JAM3: variants seen among roughly 807,000 people sequenced by gnomAD.
The protein encoded by JAM3 is junctional adhesion molecule 3, also known as junctional adhesion molecule C.
JAM3 carries 31 observed loss-of-function variants against 39.4 expected under a neutral mutation model. That is an observed-to-expected ratio of 0.79 (90% CI 0.59 to 1.06). The LOEUF (loss-of-function observed/expected upper bound fraction) is 1.06, where lower values mean the gene tolerates loss of function less well. Among genes scored for constraint, JAM3 ranks in the 50% least tolerant of loss-of-function variants. The pLI is 0.00. For missense variants in JAM3, 455 were observed against 391.4 expected, an observed-to-expected ratio of 1.16 and a Z score of -1.37; for synonymous variants, 182 against 148.7, an observed-to-expected ratio of 1.22 and a Z score of -1.63.
chr11:134,148,563 C>A lies in JAM3; in HGVS notation c.729C>A (p.Gly243=). The change falls in exon 7 of 9, where the codon GGC becomes GGA. Residue 243 remains glycine (G), a synonymous_variant. Coordinates refer to ENST00000299106, the MANE Select transcript of JAM3 (RefSeq NM_032801.5). ...TTTCTTCAGATGACCTGAACATTGG[C>A]GGAATTATTGGGGGGGTTCTGGTTG... ...QEMEVYDLNI[G]GIIGGVLVVL... 1.2e-6 allele frequency: 2 copies of A among 1,614,040 alleles called. No individual in the cohort carries two copies. The highest frequency in any genetic ancestry group is 1.7e-6 in the Non-Finnish European group (2 of 1,180,038).
intron 1 of JAM3, among the ~76,000 whole-genome samples, chr11:134,113,844 T>C (rs1217381563): frequency 6.6e-6 from 1 of 152,198 alleles, no homozygotes; most frequent in African/African-American, 2.4e-5. Context: ...CCACATCCTC[T>C]CCAGCACCTG....
intron 1 of JAM3, among the ~76,000 whole-genome samples, chr11:134,096,969 T>C (rs188330774): frequency 2.0e-4 from 31 of 152,308 alleles, no homozygotes; most frequent in Non-Finnish European, 4.3e-4. Flanking sequence ...TGTGGCACTT[T>C]GTAGAACTGT....
chr11:134,128,974 T>C (rs1157437506), intron 1 of JAM3, among the ~76,000 whole-genome samples: 1 of 152,200 alleles, frequency 6.6e-6, no homozygotes, highest in East Asian at 1.9e-4. Context: ...TTTCACATAG[T>C]ACTGCAGGCT....
chr11:134,131,634 C>T (rs1942772405), intron 1 of JAM3, among the ~76,000 whole-genome samples: 1 of 152,118 alleles, frequency 6.6e-6, no homozygotes, highest in African/African-American at 2.4e-5. Flanking sequence ...ACTTATTAGC[C>T]AAAGACTATT....
chr11:134,127,825 TAGAAG>T, intron 1 of JAM3, among the ~76,000 whole-genome samples: 1 of 152,294 alleles, frequency 6.6e-6, no homozygotes, highest in South Asian at 2.1e-4. Flanking sequence ...AAGAAAGGCA[TAGAAG>T]AGAGGAAACA....
At chr11:134,143,574 A>G (rs538168941) in intron 3 of JAM3, among the ~76,000 whole-genome samples, 1 of 152,256 alleles carries the variant, frequency 6.6e-6, no homozygotes, top group East Asian at 1.9e-4. Flanking sequence ...TTTCTTACTG[A>G]AGTGTGAATT....
intron 1 of JAM3, among the ~76,000 whole-genome samples, chr11:134,087,304 A>T (rs889784458): frequency 2.0e-5 from 3 of 152,200 alleles, no homozygotes; most frequent in African/African-American, 7.2e-5. Flanking sequence ...CAACAAATAA[A>T]GTATTTCTGT....
At chr11:134,089,845 A>C (rs1389092311) in intron 1 of JAM3, among the ~76,000 whole-genome samples, 1 of 152,140 alleles carries the variant, frequency 6.6e-6, no homozygotes, top group African/African-American at 2.4e-5. Context: ...GGCTGGGTCA[A>C]ATGGTATTTC....
chr11:134,141,848 C>G (rs1416660549), intron 3 of JAM3, among the ~76,000 whole-genome samples: 1 of 151,908 alleles, frequency 6.6e-6, no homozygotes, highest in Admixed American at 6.6e-5. Flanking sequence ...GGTACACATG[C>G]AGGCTCGTGC....
chr11:134,102,712 C>T (rs934581042), intron 1 of JAM3, among the ~76,000 whole-genome samples: 8 of 152,066 alleles, frequency 5.3e-5, no homozygotes, highest in Non-Finnish European at 7.4e-5. Context: ...AACTACGTGA[C>T]GAATGCACAA....
chr11:134,083,713 A>C (rs1941703261), intron 1 of JAM3, among the ~76,000 whole-genome samples: 1 of 152,164 alleles, frequency 6.6e-6, no homozygotes, highest in African/African-American at 2.4e-5. Context: ...GAAGAAAATT[A>C]GCTGGAGTTT....
Position 134,150,186 on chromosome 11 carries a change from C to A in JAM3, c.*1005C>A, listed in dbSNP as rs996814023. ...AGCCTTTTTCACAAGGGAACTCATACTGTCTACACATCAGACCATAGTTGC... is the reference window on the plus strand; with the variant it reads ...AGCCTTTTTCACAAGGGAACTCATAATGTCTACACATCAGACCATAGTTGC... On this transcript the variant is annotated 3_prime_UTR_variant, in exon 9 of 9. Coordinates refer to ENST00000299106, the MANE Select transcript of JAM3 (RefSeq NM_032801.5). 2.0e-5 allele frequency: 3 copies of A among 153,782 alleles called. No homozygotes were observed. The allele number at this position is 153,782 out of a possible 1,614,324, so 9.5% of individuals were successfully genotyped here. A position where few individuals can be genotyped will look rare whatever the true frequency, so the allele number is the denominator to read the frequency against.
In JAM3 at chr11:134,106,756, T is replaced by C. The variant is rs559202594; in HGVS notation, c.77-33095T>C. On this transcript the variant is annotated intron_variant, in intron 1 of 8. Coordinates refer to ENST00000299106, the MANE Select transcript of JAM3 (RefSeq NM_032801.5). ...ATGCTCATCATCACTGGCCATCAGA[T>C]AAATGCACATCAAAACCACAATGAG... is the stretch of plus-strand genomic sequence containing the variant. 1.0e-3 allele frequency among the ~76,000 whole-genome samples: 157 copies of C among 152,332 alleles called. 1 individual carries two copies. Among genetic ancestry groups the C allele is most frequent in the African/African-American group, 1.3e-3 (52 of 41,576 alleles).
chr11:134,070,718 T>A (rs1305734149), intron 1 of JAM3, among the ~76,000 whole-genome samples: 3 of 152,242 alleles, frequency 2.0e-5, no homozygotes, highest in African/African-American at 4.8e-5. Flanking sequence ...TTGCAGTTTT[T>A]GTTGCAGAAG....
intron 1 of JAM3, chr11:134,124,371 A>G (rs1942600402): frequency 3.0e-6 from 2 of 667,828 alleles, no homozygotes; most frequent in African/African-American, 1.8e-5. Flanking sequence ...GTGTGATGGG[A>G]AAAGTGAAAG....
Position 134,148,572 on chromosome 11 carries a change from TGGG to T in JAM3, c.743_745del (p.Gly248del), listed in dbSNP as rs763250381. 2.5e-6 allele frequency: 4 copies of T among 1,613,820 alleles called. No homozygotes were observed. The highest frequency in any genetic ancestry group is 3.4e-6 in the Non-Finnish European group (4 of 1,179,996). ...ATGACCTGAACATTGGCGGAATTAT[TGGG>T]GGGGTTCTGGTTGTCCTTGCTGTAC... On this transcript the variant is annotated inframe_deletion, in exon 7 of 9. Coordinates refer to ENST00000299106, the MANE Select transcript of JAM3 (RefSeq NM_032801.5).
At chr11:134,072,557 G>A (rs772264927) in intron 1 of JAM3, among the ~76,000 whole-genome samples, 4 of 152,140 alleles carry the variant, frequency 2.6e-5, no homozygotes, top group Admixed American at 6.5e-5. Flanking sequence ...TGACCTGCCC[G>A]CCTTGGCCTA....
At chr11:134,123,068 TAAAAC>T (rs1591795346) in intron 1 of JAM3, among the ~76,000 whole-genome samples, 2 of 152,176 alleles carry the variant, frequency 1.3e-5, no homozygotes, top group Admixed American at 6.5e-5. Context: ...TTTATCAAAA[TAAAAC>T]AAAAGGCTCT....
At chr11:134,091,836 G>GTTT (rs36015656) in intron 1 of JAM3, among the ~76,000 whole-genome samples, 2 of 141,500 alleles carry the variant, frequency 1.4e-5, no homozygotes, top group Non-Finnish European at 1.5e-5. Context: ...GGGGGTGTGG[G>GTTT]TTTTTTTTTT....
Sources: gnomAD v4.1 joint callset for allele counts (sites outside exome capture counted in the v4.1 genomes callset) on GRCh38, gnomAD v4.1.1 for gene constraint, MANE v1.5 for transcripts, NCBI Gene and HGNC (gene_info 2026-07-23, HGNC 2026-07-21) for gene names.